Variants in CCDC192 observed in about 807,000 individuals in gnomAD.
CCDC192 encodes coiled-coil domain-containing protein 192.
At chr5:127,829,887 A>C (rs537249631) in intron 5 of CCDC192, among the ~76,000 whole-genome samples, 1 of 152,282 alleles carries the variant, frequency 6.6e-6, no homozygotes, top group East Asian at 1.9e-4. Context: ...AGAATAACAT[A>C]CCGGTGGCTT....
chr5:127,851,101 G>C (rs553715681), intron 5 of CCDC192, among the ~76,000 whole-genome samples: 1 of 152,144 alleles, frequency 6.6e-6, no homozygotes, highest in Non-Finnish European at 1.5e-5. Flanking sequence ...CTGCAGGATT[G>C]GGTGCTTGTC....
chr5:127,801,812 A>G (rs1177936056), intron 5 of CCDC192, among the ~76,000 whole-genome samples: 2 of 152,222 alleles, frequency 1.3e-5, no homozygotes, highest in African/African-American at 4.8e-5. Context: ...TTGGGTAGAA[A>G]TCAGAACCAG....
chr5:127,727,194 G>T (rs1299135775), intron 2 of CCDC192, among the ~76,000 whole-genome samples: 3 of 152,170 alleles, frequency 2.0e-5, no homozygotes, highest in African/African-American at 7.2e-5. Flanking sequence ...AAAACAGGCT[G>T]GGAGTGGTGG....
At chr5:127,790,490 T>C (rs564062836) in intron 3 of CCDC192, among the ~76,000 whole-genome samples, 2 of 152,230 alleles carry the variant, frequency 1.3e-5, no homozygotes, top group African/African-American at 2.4e-5. Flanking sequence ...TCTAGTTATA[T>C]TGATACACAA....
intron 5 of CCDC192, among the ~76,000 whole-genome samples, chr5:127,831,349 A>AGT (rs141668173): frequency 5.3e-5 from 8 of 151,616 alleles, no homozygotes; most frequent in African/African-American, 1.7e-4. Flanking sequence ...AATCTTCAAA[A>AGT]GTGTGTGTGT....
chr5:127,911,679 C>T (rs767905320), intron 6 of CCDC192, among the ~76,000 whole-genome samples: 55 of 148,872 alleles, frequency 3.7e-4, no homozygotes, highest in Non-Finnish European at 7.3e-4. Flanking sequence ...CAACAATTCT[C>T]TATCTTTTGC....
intron 6 of CCDC192, chr5:127,935,423 A>C (rs764961580): frequency 9.9e-5 from 15 of 152,262 alleles, no homozygotes; most frequent in Non-Finnish European, 1.9e-4. Context: ...CCCATAAAGA[A>C]ATCAAAAGGG....
At chr5:127,766,045 C>G (rs1365565311) in intron 3 of CCDC192, among the ~76,000 whole-genome samples, 8 of 152,174 alleles carry the variant, frequency 5.3e-5, no homozygotes, top group Non-Finnish European at 8.8e-5. Flanking sequence ...TTAACCCATC[C>G]CACTCACTTA....
At chr5:127,890,453 TAA>T (rs35655743) in intron 6 of CCDC192, among the ~76,000 whole-genome samples, 78 of 135,826 alleles carry the variant, frequency 5.7e-4, no homozygotes, top group Non-Finnish European at 6.2e-4. Flanking sequence ...ACCCTGTATT[TAA>T]AAAAAAAAAA....
At chr5:127,814,713 A>G (rs1758278647) in intron 5 of CCDC192, among the ~76,000 whole-genome samples, 1 of 152,200 alleles carries the variant, frequency 6.6e-6, no homozygotes, top group African/African-American at 2.4e-5. Context: ...TTAGAATAAG[A>G]ATTTAGACTT....
intron 5 of CCDC192, among the ~76,000 whole-genome samples, chr5:127,866,513 C>A (rs568800028): frequency 6.7e-6 from 1 of 149,274 alleles, no homozygotes; most frequent in East Asian, 1.9e-4. Flanking sequence ...AGAACTGACT[C>A]ATTTAATTGC....
intron 5 of CCDC192, among the ~76,000 whole-genome samples, chr5:127,818,159 C>A (rs1042551370): frequency 6.6e-6 from 1 of 152,078 alleles, no homozygotes; most frequent in Non-Finnish European, 1.5e-5. Flanking sequence ...TTGCTTATAA[C>A]CTGCTTGCAC....
chr5:127,922,786 C>CA (rs142405881), intron 6 of CCDC192, among the ~76,000 whole-genome samples: 2,480 of 152,320 alleles, frequency 0.016, 52 homozygotes, highest in African/African-American at 0.056. Flanking sequence ...AAAGCTTAAA[C>CA]ATCAATTGCA....
Position 127,749,055 on chromosome 5 carries a change from C to G in CCDC192, c.115-5213C>G, listed in dbSNP as rs908468521. 5.9e-5 allele frequency among the ~76,000 whole-genome samples: 9 copies of G among 152,192 alleles called. 1 individual carries two copies. The highest frequency in any genetic ancestry group is 9.7e-5 in the African/African-American group (4 of 41,446). ...GATATACAATCATGTCATCTGCAAA[C>G]AGGGACAATTTGACTTACTTCCTCT... On this transcript the variant is annotated intron_variant, in intron 2 of 6. Transcript: ENST00000514853.
chr5:127,860,362 T>G (rs762925641), intron 5 of CCDC192, among the ~76,000 whole-genome samples: 1 of 152,170 alleles, frequency 6.6e-6, no homozygotes, highest in Admixed American at 6.6e-5. Context: ...CTCTTAAAAT[T>G]TTCTCTGCTT....
intron 5 of CCDC192, among the ~76,000 whole-genome samples, chr5:127,817,674 G>A (rs1425327012): frequency 2.0e-5 from 3 of 152,166 alleles, no homozygotes; most frequent in Non-Finnish European, 4.4e-5. Flanking sequence ...TTGTATTTAT[G>A]AAATGTTCTG....
intron 6 of CCDC192, among the ~76,000 whole-genome samples, chr5:127,917,405 C>T (rs965663186): frequency 2.6e-5 from 4 of 152,212 alleles, no homozygotes; most frequent in South Asian, 2.1e-4. Context: ...GGCTAACCGG[C>T]GCAAGGGGCC....
At chr5:127,791,304 G>T (rs1289857277) in intron 3 of CCDC192, among the ~76,000 whole-genome samples, 1 of 152,162 alleles carries the variant, frequency 6.6e-6, no homozygotes, top group Non-Finnish European at 1.5e-5. Context: ...AAAAGCCAAA[G>T]AAAGATAAAC....
chr5:127,878,188 T>A (rs1040600517), intron 6 of CCDC192, among the ~76,000 whole-genome samples: 2 of 152,216 alleles, frequency 1.3e-5, no homozygotes, highest in African/African-American at 4.8e-5. Flanking sequence ...CCTTATCATA[T>A]AATCTCCAGG....
Sources: allele counts gnomAD v4.1 joint callset (sites outside exome capture counted in the v4.1 genomes callset), GRCh38; gene constraint gnomAD v4.1.1; transcripts MANE v1.5; gene names NCBI Gene and HGNC (gene_info 2026-07-23, HGNC 2026-07-21).